ADCY1: variants seen among roughly 807,000 people sequenced by gnomAD.
ADCY1 encodes adenylate cyclase 1, also known as adenylate cyclase type 1.
In ADCY1, 28 loss-of-function variants were observed where a neutral mutation model predicts 105.4. The observed-to-expected ratio is 0.27, with a 90% CI of 0.20 to 0.36. The LOEUF is 0.36. Ranked by LOEUF, ADCY1 falls within the 10% of genes least tolerant of loss-of-function variation. ADCY1 has a pLI of 1.00. For missense variants in ADCY1, 977 were observed against 1,434.2 expected (o/e 0.68, Z 5.15); for synonymous variants, 655 against 623.8 (o/e 1.05, Z -0.75).
At chr7:45,601,410 G>A (rs1410645756) in intron 2 of ADCY1, among the ~76,000 whole-genome samples, 2 of 152,160 alleles carry the variant, frequency 1.3e-5, no homozygotes, top group East Asian at 1.9e-4. Flanking sequence ...GATGAGGGGC[G>A]GTGGTATCCA....
chr7:45,629,427 A>G (rs982394874), intron 4 of ADCY1, among the ~76,000 whole-genome samples: 2 of 152,218 alleles, frequency 1.3e-5, no homozygotes, highest in Non-Finnish European at 2.9e-5. Context: ...ATTCATGTAC[A>G]AGTCTATGTA....
intron 1 of ADCY1, among the ~76,000 whole-genome samples, chr7:45,581,086 A>G (rs1409706348): frequency 1.3e-5 from 2 of 152,100 alleles, no homozygotes; most frequent in South Asian, 2.1e-4. Context: ...CTGGCATTTC[A>G]GGGGCTCTAG....
At chr7:45,596,023 C>G (rs1793061377) in intron 2 of ADCY1, among the ~76,000 whole-genome samples, 1 of 152,228 alleles carries the variant, frequency 6.6e-6, no homozygotes, top group South Asian at 2.1e-4. Flanking sequence ...TAGGGCCCTG[C>G]CAGCTCTTGG....
chr7:45,575,625 A>G lies in ADCY1; in HGVS notation c.639+443A>G, dbSNP rs1209810441. Among the ~76,000 whole-genome samples, 1 of 152,194 alleles carries G rather than the reference A, an allele frequency of 6.6e-6. No individual in the cohort carries two copies. The highest frequency in any genetic ancestry group is 2.4e-5 in the African/African-American group (1 of 41,454). The stretch of plus-strand genomic sequence containing the variant: ...CTGGGCTCTTCCCCTGCGCACCTAG[A>G]GCGCGTGCTGGGCTCGCCTCCCAAC... On this transcript the variant is annotated intron_variant, in intron 1 of 19. Transcript: ENST00000297323. This position sits in a 1 kb window ranked among gnomAD's most constrained non-coding sequence, Gnocchi z 4.7.
At chr7:45,614,863 C>T (rs1014341108) in intron 3 of ADCY1, among the ~76,000 whole-genome samples, 26 of 152,214 alleles carry the variant, frequency 1.7e-4, no homozygotes, top group African/African-American at 5.8e-4. Flanking sequence ...AGCATAAAAG[C>T]ACCTAAGTAT....
At chr7:45,612,988 C>T (rs956669577) in intron 3 of ADCY1, among the ~76,000 whole-genome samples, 9 of 152,130 alleles carry the variant, frequency 5.9e-5, no homozygotes, top group African/African-American at 9.7e-5. Context: ...TGTACAGGAC[C>T]GGTCCATGAA....
At chr7:45,711,638 TATATATAC>T (rs1195739355) in intron 19 of ADCY1, among the ~76,000 whole-genome samples, 18 of 22,430 alleles carry the variant, frequency 8.0e-4, no homozygotes, top group Non-Finnish European at 1.6e-3. Flanking sequence ...TATATATATA[TATATATAC>T]ACACACACAC....
intron 8 of ADCY1, among the ~76,000 whole-genome samples, chr7:45,666,058 T>C (rs910494519): frequency 6.6e-6 from 1 of 152,246 alleles, no homozygotes; most frequent in Non-Finnish European, 1.5e-5. Context: ...CTTGGTTTCC[T>C]GAATGGAGTC....
intron 14 of ADCY1, among the ~76,000 whole-genome samples, chr7:45,695,191 T>G (rs1344231197): frequency 6.6e-6 from 1 of 152,230 alleles, no homozygotes. Context: ...CATTGCCTCC[T>G]GTCCAGTATT....
rs867450156 is a variant in ADCY1, at chr7:45,669,261, A to G, written c.1605+7047A>G. ...AGATCTTTCCTGCTTTCTCTTGTGG[A>G]CATTTAGTGCTATAAATTTCCCTCT... On this transcript the variant is annotated intron_variant, in intron 8 of 19. Transcript: ENST00000297323. Among the ~76,000 whole-genome samples, 416 of 151,954 alleles carry G rather than the reference A, an allele frequency of 2.7e-3. 4 individuals are homozygous for G. The highest frequency in any genetic ancestry group is 9.1e-3 in the African/African-American group (379 of 41,476).
chr7:45,575,315 C>A lies in ADCY1; in HGVS notation c.639+133C>A. ...CTGAGGCTCCGAGTGGGGGTGTGTT[C>A]AAGGTCACTCCTACGAGTTGGGGAC... On this transcript the variant is annotated intron_variant, in intron 1 of 19. Transcript: ENST00000297323. The surrounding 1 kb of genome is among the most constrained non-coding windows in gnomAD (Gnocchi z 4.7). 2 of 1,162,474 alleles carry A rather than the reference C, an allele frequency of 1.7e-6. No homozygotes were observed. Among genetic ancestry groups the A allele is most frequent in the Non-Finnish European group, 2.4e-6 (2 of 850,898 alleles). 72.0% of individuals were successfully genotyped at this position (1,162,474 alleles called of 1,614,324 possible).
At chr7:45,588,983 C>T (rs1193067016) in intron 1 of ADCY1, among the ~76,000 whole-genome samples, 1 of 152,198 alleles carries the variant, frequency 6.6e-6, no homozygotes, top group African/African-American at 2.4e-5. Context: ...CTGTGTCCCA[C>T]GCAGTGTCCT....
intron 8 of ADCY1, among the ~76,000 whole-genome samples, chr7:45,671,330 C>T (rs1270031859): frequency 3.9e-5 from 6 of 152,170 alleles, no homozygotes; most frequent in Admixed American, 6.5e-5. Flanking sequence ...TTTAGTCATT[C>T]GCTTGTTGAA....
Position 45,686,477 on chromosome 7 carries a change from G to T in ADCY1, c.2328-70G>T. ...CTGAGGGTCACTCTGAACAGTTCTT[G>T]GGTTTGGTGGCAGAGTCTTGCCCTG... On this transcript the variant is annotated intron_variant, in intron 13 of 19. Transcript: ENST00000297323. The surrounding 1 kb of genome is among the most constrained non-coding windows in gnomAD (Gnocchi z 4.3). 6.4e-7 allele frequency: 1 copy of T among 1,555,198 alleles called. No individual in the cohort carries two copies.
At chr7:45,664,110 G>T (rs1795204076) in intron 8 of ADCY1, among the ~76,000 whole-genome samples, 1 of 152,198 alleles carries the variant, frequency 6.6e-6, no homozygotes, top group African/African-American at 2.4e-5. Flanking sequence ...GCTGGTGGAG[G>T]GTGAGGAACC....
At chr7:45,676,545 G>A (rs1048075632) in intron 8 of ADCY1, among the ~76,000 whole-genome samples, 1 of 152,208 alleles carries the variant, frequency 6.6e-6, no homozygotes. Flanking sequence ...GTGGAATTCC[G>A]GGTTTCCCAC....
At chr7:45,602,953 A>G (rs1269616164) in intron 2 of ADCY1, among the ~76,000 whole-genome samples, 2 of 152,160 alleles carry the variant, frequency 1.3e-5, no homozygotes, top group East Asian at 3.8e-4. Flanking sequence ...GTCACTCTCC[A>G]TGTATACCCA....
In ADCY1 at chr7:45,711,622, TATATATATATATATATATATATACACAC is replaced by T. The variant is rs1428137483; in HGVS notation, c.3057+972_3057+999del. Among the ~76,000 whole-genome samples the T allele has an allele frequency of 8.3e-5, 9 of 108,350 alleles. 1 individual carries two copies. The highest frequency in any genetic ancestry group is 4.5e-4 in the South Asian group (2 of 4,396). The allele number at this position is 108,350 out of a possible 152,430, so 71.1% of individuals were successfully genotyped here. A position where few individuals can be genotyped will look rare whatever the true frequency, so the allele number is the denominator to read the frequency against. On this transcript the variant is annotated intron_variant, in intron 19 of 19. Coordinates refer to ENST00000297323, the MANE Select transcript of ADCY1 (RefSeq NM_021116.4). The stretch of plus-strand genomic sequence containing the variant: ...ACTTCGTGCTGTATATATATATATA[TATATATATATATATATATATATACACAC>T]ACACACGTATGTATACACATATACA...
chr7:45,666,160 AGTTTTAGGGTACAT>A (rs1188379418), intron 8 of ADCY1, among the ~76,000 whole-genome samples: 2 of 151,890 alleles, frequency 1.3e-5, no homozygotes, highest in Non-Finnish European at 2.9e-5. Context: ...TTATACTTTA[AGTTTTAGGGTACAT>A]GTGAACAATG....
Sources: gnomAD v4.1 joint callset for allele counts (sites outside exome capture counted in the v4.1 genomes callset) on GRCh38, gnomAD v4.1.1 for gene constraint, Gnocchi (gnomAD v3.1) non-coding constraint, MANE v1.5 for transcripts, NCBI Gene and HGNC (gene_info 2026-07-23, HGNC 2026-07-21) for gene names.